B3GALT1: variants seen among roughly 807,000 people sequenced by gnomAD.
The protein encoded by B3GALT1 is beta-1,3-galactosyltransferase 1.
In B3GALT1, 10 loss-of-function variants were observed where a neutral mutation model predicts 23.2. The observed-to-expected ratio is 0.43, with a 90% CI of 0.27 to 0.73. The LOEUF is 0.73. B3GALT1 is among the 30% of genes least tolerant of loss of function. The pLI is 0.21. For missense variants in B3GALT1, 299 were observed against 405.4 expected (o/e 0.74, Z 2.25); for synonymous variants, 156 against 141.5 (o/e 1.10, Z -0.73).
intron 3 of B3GALT1, among the ~76,000 whole-genome samples, chr2:167,719,996 T>G (rs1687206260): frequency 6.6e-6 from 1 of 151,928 alleles, no homozygotes; most frequent in African/African-American, 2.4e-5. Flanking sequence ...AATGGGGAGA[T>G]ACAACCGCTG....
intron 4 of B3GALT1, among the ~76,000 whole-genome samples, chr2:167,822,929 C>T (rs908465051): frequency 6.6e-6 from 1 of 152,242 alleles, no homozygotes; most frequent in Non-Finnish European, 1.5e-5. Context: ...TTTTTTCTTC[C>T]TGGACATATA....
intron 4 of B3GALT1, among the ~76,000 whole-genome samples, chr2:167,850,195 T>C (rs936289423): frequency 2.0e-5 from 3 of 152,110 alleles, no homozygotes; most frequent in African/African-American, 2.4e-5. Context: ...AACAAATCAG[T>C]AAGTCAAAAA....
chr2:167,608,925 G>C (rs1685012162), intron 2 of B3GALT1, among the ~76,000 whole-genome samples: 1 of 152,020 alleles, frequency 6.6e-6, no homozygotes, highest in South Asian at 2.1e-4. Flanking sequence ...AGACTGATTT[G>C]GTCTCATCTG....
rs1291713043 is a variant in B3GALT1 at position 167,512,578 on chromosome 2, A to G, written c.-410+22301A>G. 2.6e-4 allele frequency among the ~76,000 whole-genome samples: 24 copies of G among 92,340 alleles called. 1 individual carries two copies. The highest frequency in any genetic ancestry group is 1.1e-3 in the African/African-American group (24 of 21,342). The allele number at this position is 92,340 out of a possible 152,430, so 60.6% of individuals were successfully genotyped here. On this transcript the variant is annotated intron_variant, in intron 2 of 4. Coordinates refer to ENST00000392690, the MANE Select transcript of B3GALT1 (RefSeq NM_020981.4). Reference sequence around the variant, plus strand: ...TATGTATATATATATGTATATATATATGTATATATATATGTGTATATATAT... The same window carrying G: ...TATGTATATATATATGTATATATATGTGTATATATATATGTGTATATATAT...
chr2:167,312,228 A>G (rs1052114111), intron 1 of B3GALT1, among the ~76,000 whole-genome samples: 2 of 151,984 alleles, frequency 1.3e-5, no homozygotes, highest in Admixed American at 1.3e-4. Flanking sequence ...AGAGCAAAGA[A>G]GGTGGTAAAT....
chr2:167,781,420 C>T (rs1688243141), intron 3 of B3GALT1, among the ~76,000 whole-genome samples: 1 of 152,052 alleles, frequency 6.6e-6, no homozygotes, highest in Non-Finnish European at 1.5e-5. Flanking sequence ...GGGTTCATCT[C>T]CTGTTTCTAT....
At chr2:167,675,438 G>T (rs911743453) in intron 3 of B3GALT1, among the ~76,000 whole-genome samples, 1 of 152,140 alleles carries the variant, frequency 6.6e-6, no homozygotes, top group Non-Finnish European at 1.5e-5. Context: ...GCAATCTAAA[G>T]GAAAAATATA....
chr2:167,419,684 T>C (rs918551261), intron 1 of B3GALT1, among the ~76,000 whole-genome samples: 4 of 152,190 alleles, frequency 2.6e-5, no homozygotes, highest in Non-Finnish European at 4.4e-5. Flanking sequence ...TGAATTAGTG[T>C]CTTAATGCAC....
intron 3 of B3GALT1, among the ~76,000 whole-genome samples, chr2:167,784,975 A>T (rs946949756): frequency 6.6e-6 from 1 of 152,238 alleles, no homozygotes; most frequent in African/African-American, 2.4e-5. Flanking sequence ...TTACTTTGGC[A>T]TGGAAAGCAT....
rs112898118 is a variant in B3GALT1, at chr2:167,853,382, G to A, written c.-229-15429G>A. Among the ~76,000 whole-genome samples the A allele has an allele frequency of 2.3e-3, 343 of 152,022 alleles. 3 individuals are homozygous for A. Among genetic ancestry groups the A allele is most frequent in the South Asian group, 7.3e-3 (35 of 4,816 alleles). On this transcript the variant is annotated intron_variant, in intron 4 of 4. Transcript: ENST00000392690. ...TCTATTTTTTTAATTTGAGAACCAC[G>A]TCAAATATTGTCTCTTCCATGGATC...
intron 2 of B3GALT1, among the ~76,000 whole-genome samples, chr2:167,604,279 A>G (rs545457256): frequency 2.6e-5 from 4 of 152,232 alleles, no homozygotes; most frequent in South Asian, 4.2e-4. Context: ...CCATGTGATT[A>G]TATGTGATTA....
intron 2 of B3GALT1, among the ~76,000 whole-genome samples, chr2:167,608,957 A>G (rs1685012634): frequency 1.3e-5 from 2 of 152,166 alleles, no homozygotes; most frequent in South Asian, 4.1e-4. Flanking sequence ...TCTCTCATTG[A>G]CTCAGTGATG....
At chr2:167,439,199 ATAT>A (rs1223095907) in intron 1 of B3GALT1, among the ~76,000 whole-genome samples, 6 of 152,168 alleles carry the variant, frequency 3.9e-5, no homozygotes, top group Non-Finnish European at 2.9e-5. Context: ...AAATTTAGTA[ATAT>A]TGTTGTTCTG....
chr2:167,318,457 C>G (rs1438964526), intron 1 of B3GALT1, among the ~76,000 whole-genome samples: 1 of 151,936 alleles, frequency 6.6e-6, no homozygotes, highest in Non-Finnish European at 1.5e-5. Flanking sequence ...ATGAGTGTGT[C>G]CCATTATTAC....
intron 3 of B3GALT1, among the ~76,000 whole-genome samples, chr2:167,755,192 G>T (rs1238147798): frequency 1.3e-5 from 2 of 152,066 alleles, no homozygotes; most frequent in Non-Finnish European, 2.9e-5. Context: ...CCCACAGAAG[G>T]CTTTTTAATC....
intron 1 of B3GALT1, among the ~76,000 whole-genome samples, chr2:167,461,598 A>G (rs1559104420): frequency 2.6e-5 from 4 of 152,128 alleles, no homozygotes; most frequent in Non-Finnish European, 5.9e-5. Context: ...ACATATAGCT[A>G]TAAAAATTTA....
chr2:167,760,359 C>T (rs1205857309), intron 3 of B3GALT1, among the ~76,000 whole-genome samples: 2 of 152,262 alleles, frequency 1.3e-5, no homozygotes, highest in African/African-American at 4.8e-5. Flanking sequence ...CAGTGAATTT[C>T]TGTGAATCAC....
intron 1 of B3GALT1, among the ~76,000 whole-genome samples, chr2:167,384,891 G>C (rs980380093): frequency 4.0e-5 from 6 of 151,860 alleles, no homozygotes; most frequent in South Asian, 2.1e-4. Flanking sequence ...TGTCCCAAAA[G>C]TTTCCAAAAG....
At chr2:167,789,579 A>C (rs547190507) in intron 3 of B3GALT1, among the ~76,000 whole-genome samples, 1 of 152,202 alleles carries the variant, frequency 6.6e-6, no homozygotes, top group East Asian at 1.9e-4. Context: ...ATTATTATTG[A>C]AAGGATGTTG....
Sources: allele counts gnomAD v4.1 joint callset (sites outside exome capture counted in the v4.1 genomes callset), GRCh38; gene constraint gnomAD v4.1.1; transcripts MANE v1.5; gene names NCBI Gene and HGNC (gene_info 2026-07-23, HGNC 2026-07-21).